The following SSBP3 variants were observed in gnomAD, a reference collection of about 807,000 sequenced individuals.
SSBP3 encodes the protein single stranded DNA binding protein 3.
A neutral mutation model predicts 69.6 loss-of-function variants in SSBP3; 5 were observed. The ratio of observed to expected loss-of-function variants is 0.07; its 90% CI spans 0.04 to 0.15. The LOEUF (loss-of-function observed/expected upper bound fraction) is 0.15, where lower values mean the gene tolerates loss of function less well. SSBP3 is among the 10% of genes least tolerant of loss of function. The pLI, the probability that SSBP3 is intolerant of heterozygous loss-of-function variation, is 1.00. For missense variants in SSBP3, 312 were observed against 534.0 expected (o/e 0.58, Z 4.10); for synonymous variants, 196 against 193.4 (o/e 1.01, Z -0.11).
intron 4 of SSBP3, among the ~76,000 whole-genome samples, chr1:54,362,018 C>G (rs1646959393): frequency 6.6e-6 from 1 of 152,174 alleles, no homozygotes; most frequent in African/African-American, 2.4e-5. Context: ...AAAGACCTGG[C>G]AAAGATTTCT....
chr1:54,390,755 G>C (rs1212651350), intron 4 of SSBP3, among the ~76,000 whole-genome samples: 1 of 152,248 alleles, frequency 6.6e-6, no homozygotes, highest in Non-Finnish European at 1.5e-5. Flanking sequence ...AGATCGTGGA[G>C]AGCCCTGCCC....
At chr1:54,344,747 C>T (rs1050756873) in intron 4 of SSBP3, among the ~76,000 whole-genome samples, 2 of 152,188 alleles carry the variant, frequency 1.3e-5, no homozygotes, top group Non-Finnish European at 2.9e-5. Context: ...TTGGGTGGTT[C>T]ACACTTGTAA....
intron 13 of SSBP3, among the ~76,000 whole-genome samples, chr1:54,240,047 G>GGGGTGTGTGTGTGTGTGT: frequency 1.3e-5 from 1 of 77,792 alleles, no homozygotes; most frequent in Non-Finnish European, 2.6e-5. Flanking sequence ...ATTGTGATGG[G>GGGGTGTGTGTGTGTGTGT]GTGTGTGTGT....
At position 54,318,967 on chromosome 1, in the gene SSBP3, T is replaced by C. The variant is rs551851280; in HGVS notation, c.277-37440A>G. Among the ~76,000 whole-genome samples, 6 of 152,298 alleles carry C rather than the reference T, an allele frequency of 3.9e-5. No individual in the cohort carries two copies. In the East Asian group the frequency reaches 1.2e-3, roughly 29 times the overall value. On this transcript the variant is annotated intron_variant, in intron 4 of 17. Coordinates refer to ENST00000610401, the Ensembl canonical transcript of SSBP3. ...GCAACCCAGTGAATGGCAATTCCCA[T>C]TCTATGGATGAGCGAATTGAGGCTT...
intron 4 of SSBP3, among the ~76,000 whole-genome samples, chr1:54,325,146 T>C (rs987973049): frequency 6.6e-6 from 1 of 152,100 alleles, no homozygotes; most frequent in Non-Finnish European, 1.5e-5. Context: ...AACGGAAAAA[T>C]GGAGCAGCCG....
intron 4 of SSBP3, among the ~76,000 whole-genome samples, chr1:54,295,928 G>A (rs1459146759): frequency 6.6e-6 from 1 of 152,124 alleles, no homozygotes; most frequent in East Asian, 1.9e-4. Context: ...GACTCTTCCA[G>A]CATTTTTCTA....
chr1:54,240,105 C>T (rs145168027), intron 13 of SSBP3, among the ~76,000 whole-genome samples: 880 of 9,536 alleles, frequency 0.092, 9 homozygotes, highest in Non-Finnish European at 0.14. Context: ...CGCGCGTGTG[C>T]GTGCGCGCGC....
At chr1:54,370,214 C>CAAAT (rs1647105376) in intron 4 of SSBP3, among the ~76,000 whole-genome samples, 1 of 151,564 alleles carries the variant, frequency 6.6e-6, no homozygotes, top group Non-Finnish European at 1.5e-5. Flanking sequence ...ACAGGGCTTC[C>CAAAT]AAATGGAATT....
At chr1:54,334,846 G>A (rs899444567) in intron 4 of SSBP3, among the ~76,000 whole-genome samples, 4 of 152,182 alleles carry the variant, frequency 2.6e-5, no homozygotes, top group Non-Finnish European at 5.9e-5. Flanking sequence ...CTCACTTGCC[G>A]TTCAAATGAA....
intron 4 of SSBP3, among the ~76,000 whole-genome samples, chr1:54,315,976 G>A (rs576945881): frequency 1.7e-4 from 26 of 151,398 alleles, no homozygotes; most frequent in East Asian, 6.0e-4. Flanking sequence ...CAACCCTCCC[G>A]AAAATAATTT....
At chr1:54,391,473 G>A (rs1648489999) in intron 4 of SSBP3, among the ~76,000 whole-genome samples, 1 of 152,210 alleles carries the variant, frequency 6.6e-6, no homozygotes, top group African/African-American at 2.4e-5. Flanking sequence ...ATAAAGCTAC[G>A]CTCTGCCCCT....
At chr1:54,279,036 G>A (rs1292879872) in intron 5 of SSBP3, among the ~76,000 whole-genome samples, 2 of 152,192 alleles carry the variant, frequency 1.3e-5, no homozygotes, top group African/African-American at 4.8e-5. Context: ...GGCCAGGAAG[G>A]ATCAGGCCAG....
intron 4 of SSBP3, among the ~76,000 whole-genome samples, chr1:54,378,616 T>C (rs1006856466): frequency 6.6e-5 from 10 of 152,130 alleles, no homozygotes; most frequent in African/African-American, 1.9e-4. Context: ...ACTGCCACCA[T>C]TGGGGGCTGG....
chr1:54,407,247 G>A (rs1649844544), upstream of SSBP3, among the ~76,000 whole-genome samples: 1 of 152,158 alleles, frequency 6.6e-6, no homozygotes, highest in Non-Finnish European at 1.5e-5. Context: ...TGGCAAGTTA[G>A]CCCCTCGGCT....
chr1:54,406,862 C>G (rs1442346164), upstream of SSBP3, among the ~76,000 whole-genome samples: 1 of 151,618 alleles, frequency 6.6e-6, no homozygotes. Flanking sequence ...CGCCGCGGCC[C>G]GCACCAGCCC....
intron 4 of SSBP3, among the ~76,000 whole-genome samples, chr1:54,315,631 G>A (rs1278492546): frequency 6.9e-6 from 1 of 144,938 alleles, no homozygotes; most frequent in Non-Finnish European, 1.5e-5. Flanking sequence ...TTGCTCTATC[G>A]CCCAGGCTGG....
chr1:54,243,208 C>A (rs1644672504), intron 10 of SSBP3, 27 bp downstream of exon 10: 1 of 1,611,690 alleles, frequency 6.2e-7, no homozygotes, highest in Non-Finnish European at 8.5e-7. Context: ...GGACTCTGAG[C>A]CACGGGCCGG....
At chr1:54,232,797 C>G (rs908568623) in intron 14 of SSBP3, among the ~76,000 whole-genome samples, 1 of 151,980 alleles carries the variant, frequency 6.6e-6, no homozygotes, top group African/African-American at 2.4e-5. Context: ...TTGGCCGGGC[C>G]GTCTCCAGCC....
intron 4 of SSBP3, among the ~76,000 whole-genome samples, chr1:54,326,098 C>T (rs1467382985): frequency 6.6e-6 from 1 of 152,140 alleles, no homozygotes; most frequent in Non-Finnish European, 1.5e-5. Flanking sequence ...GCAGCCGCAG[C>T]TCAAACTCTC....
Sources: gnomAD v4.1 joint callset for allele counts (sites outside exome capture counted in the v4.1 genomes callset) on GRCh38, gnomAD v4.1.1 for gene constraint, MANE v1.5 for transcripts, NCBI Gene and HGNC (gene_info 2026-07-23, HGNC 2026-07-21) for gene names.